The following SESN3 variants were observed in gnomAD, a reference collection of about 807,000 sequenced individuals.
SESN3 encodes the protein sestrin-3.
A neutral mutation model predicts 55.3 loss-of-function variants in SESN3; 21 were observed. The observed-to-expected ratio is 0.38, with a 90% CI of 0.27 to 0.55. The LOEUF (loss-of-function observed/expected upper bound fraction) is 0.55. Among genes scored for constraint, SESN3 ranks in the 20% least tolerant of loss-of-function variants. SESN3 has a pLI of 0.76. For missense variants in SESN3, 408 were observed against 604.3 expected (o/e 0.68, Z 3.41); for synonymous variants, 181 against 203.1 (o/e 0.89, Z 0.93).
chr11:95,186,243 G>GTGTGTGTGTGTGTGTGTGTGTGTGT (rs1860164680), intron 4 of SESN3, among the ~76,000 whole-genome samples: 1 of 58,462 alleles, frequency 1.7e-5, no homozygotes, highest in Non-Finnish European at 3.9e-5. Flanking sequence ...TGTGTGTGTG[G>GTGTGTGTGTGTGTGTGTGTGTGTGT]TGTATGTAAG....
intron 5 of SESN3, among the ~76,000 whole-genome samples, chr11:95,184,807 A>G (rs1364216869): frequency 1.3e-5 from 2 of 152,036 alleles, no homozygotes; most frequent in Non-Finnish European, 2.9e-5. Flanking sequence ...ATAGAAGTTT[A>G]TAAGTATATA....
chr11:95,224,492 GGAAA>G (rs748487108), intron 1 of SESN3: 6 of 433,560 alleles, frequency 1.4e-5, no homozygotes, highest in African/African-American at 8.2e-5. Flanking sequence ...TGGCTGAAAA[GGAAA>G]GAAAGACCCC....
chr11:95,166,767 CA>C lies in SESN3; in HGVS notation c.*6487del, dbSNP rs1322696878. ...TATACTAGTAGCACTGAGAAGATGC[CA>C]AACTGGCTGTGGTTTGCTTTCTATG... On this transcript the variant is annotated 3_prime_UTR_variant, in exon 10 of 10. Transcript: ENST00000536441. 6.6e-6 allele frequency: 1 copy of C among 152,140 alleles called. No individual in the cohort carries two copies. The highest frequency in any genetic ancestry group is 1.5e-5 in the Non-Finnish European group (1 of 68,024). 9.4% of individuals were successfully genotyped at this position (152,140 alleles called of 1,614,324 possible). A position where few individuals can be genotyped will look rare whatever the true frequency, so the allele number is the denominator to read the frequency against.
chr11:95,208,109 G>A (rs1860584837), intron 1 of SESN3, among the ~76,000 whole-genome samples: 1 of 151,378 alleles, frequency 6.6e-6, no homozygotes, highest in African/African-American at 2.4e-5. Flanking sequence ...TAAAAAAAAT[G>A]AATCAAGGGA....
intron 5 of SESN3, among the ~76,000 whole-genome samples, chr11:95,184,978 G>A (rs1424767839): frequency 6.6e-6 from 1 of 151,778 alleles, no homozygotes; most frequent in African/African-American, 2.4e-5. Flanking sequence ...ATATTGTTTT[G>A]GGATCTACTG....
chr11:95,208,310 C>T (rs1052713755), intron 1 of SESN3, among the ~76,000 whole-genome samples: 1 of 151,260 alleles, frequency 6.6e-6, no homozygotes, highest in Non-Finnish European at 1.5e-5. Flanking sequence ...TATTACTGGT[C>T]CTGTATATAT....
rs1859829581 is a variant in SESN3 at position 95,170,500 on chromosome 11, C to G, written c.*2755G>C. 1 of 141,566 alleles carries G rather than the reference C, an allele frequency of 7.1e-6. No homozygotes were observed. Among genetic ancestry groups the G allele is most frequent in the African/African-American group, 2.6e-5 (1 of 38,118 alleles). The allele number at this position is 141,566 out of a possible 1,614,324, so 8.8% of individuals were successfully genotyped here. A position where few individuals can be genotyped will look rare whatever the true frequency, so the allele number is the denominator to read the frequency against. On this transcript the variant is annotated 3_prime_UTR_variant, in exon 10 of 10. Transcript: ENST00000536441. ...GGTGTAGATCAGCATATTGCATAATCACGTCATTATACCAATTGAACCAGA... is the reference window on the plus strand; with the variant it reads ...GGTGTAGATCAGCATATTGCATAATGACGTCATTATACCAATTGAACCAGA...
chr11:95,205,021 T>G (rs1860522873), intron 1 of SESN3: 1 of 152,152 alleles, frequency 6.6e-6, no homozygotes. Context: ...AAAACAGCCT[T>G]CCAGATGAGA....
At chr11:95,222,479 G>A (rs1241400501) in intron 1 of SESN3, among the ~76,000 whole-genome samples, 3 of 152,076 alleles carry the variant, frequency 2.0e-5, no homozygotes, top group Non-Finnish European at 4.4e-5. Flanking sequence ...TTTGGAAAAT[G>A]AGAAAAGTTT....
rs139919458 is a variant in SESN3, at chr11:95,193,491, G to T, written c.110C>A (p.Thr37Lys). The change falls in exon 2 of 10, where the codon ACA becomes AAA. Residue 37 changes from threonine (T) to lysine (K), a missense_variant. This residue lies in a region of SESN3 where 61 missense variants were observed against 48.3 expected (regional missense o/e 1.26). Coordinates refer to ENST00000536441, the MANE Select transcript of SESN3 (RefSeq NM_144665.4). ...DKRIRVSQPL[T>K]RGPSAFIPEK... ...TGGAATAAAGGCACTTGGTCCTCTT[G>T]TCAAGGGTTGAGACACTCTGATTCT... 5.0e-4 allele frequency: 792 copies of T among 1,595,932 alleles called. 2 individuals carry two copies. Among genetic ancestry groups the T allele is most frequent in the South Asian group, 1.0e-3 (94 of 90,346 alleles).
intron 1 of SESN3, among the ~76,000 whole-genome samples, chr11:95,198,647 T>A (rs1399726822): frequency 1.3e-5 from 2 of 152,330 alleles, no homozygotes; most frequent in East Asian, 3.9e-4. Flanking sequence ...TTGAGTTTCT[T>A]TCGCTGTCAC....
In SESN3 at chr11:95,184,289, G is replaced by A. The variant is rs139119757; in HGVS notation, c.937+131C>T. 8.4e-4 allele frequency: 604 copies of A among 722,130 alleles called. 5 individuals are homozygous for A. In the African/African-American group the frequency reaches 9.2e-3, roughly 11 times the overall value. 44.7% of individuals were successfully genotyped at this position (722,130 alleles called of 1,614,324 possible). On this transcript the variant is annotated intron_variant, in intron 6 of 9. Coordinates refer to ENST00000536441, the MANE Select transcript of SESN3 (RefSeq NM_144665.4). ...AGGGAAAGCAATAGCATGAGGGTAA[G>A]ATAGAAGAGGAGAACTAAATAAGAG...
intron 1 of SESN3, among the ~76,000 whole-genome samples, chr11:95,197,870 C>T (rs1860391776): frequency 6.6e-6 from 1 of 152,130 alleles, no homozygotes; most frequent in Non-Finnish European, 1.5e-5. Flanking sequence ...AGAGAACTCG[C>T]TAGCTCTTCT....
chr11:95,167,840 G>A lies in SESN3; in HGVS notation c.*5415C>T, dbSNP rs763776205. ...ACAACCTCAAGTGCACCTAGCTGGA[G>A]AGAAGAACTATTACATCTTCTTCCT... On this transcript the variant is annotated 3_prime_UTR_variant, in exon 10 of 10. Coordinates refer to ENST00000536441, the MANE Select transcript of SESN3 (RefSeq NM_144665.4). The A allele has an allele frequency of 6.6e-6, 1 of 152,200 alleles. No individual in the cohort carries two copies. The highest frequency in any genetic ancestry group is 1.5e-5 in the Non-Finnish European group (1 of 68,034). The allele number at this position is 152,200 out of a possible 1,614,324, so 9.4% of individuals were successfully genotyped here.
intron 4 of SESN3, among the ~76,000 whole-genome samples, chr11:95,186,113 G>C (rs1565465317): frequency 6.6e-6 from 1 of 151,802 alleles, no homozygotes; most frequent in Non-Finnish European, 1.5e-5. Context: ...TTGTCCAAGA[G>C]TGAATTCCAC....
At chr11:95,200,765 G>A (rs1380707909) in intron 1 of SESN3, 1 of 152,028 alleles carries the variant, frequency 6.6e-6, no homozygotes. Flanking sequence ...GTCATTTGAG[G>A]AACATAGGAA....
At chr11:95,192,036 T>C (rs1204637393) in intron 2 of SESN3, among the ~76,000 whole-genome samples, 1 of 152,114 alleles carries the variant, frequency 6.6e-6, no homozygotes, top group Non-Finnish European at 1.5e-5. Flanking sequence ...ATTTTCAGTC[T>C]AATCCTTTGC....
At chr11:95,209,436 T>G (rs1294028278) in intron 1 of SESN3, among the ~76,000 whole-genome samples, 1 of 151,504 alleles carries the variant, frequency 6.6e-6, no homozygotes, top group Non-Finnish European at 1.5e-5. Flanking sequence ...TAGGAATGCT[T>G]TTACACTGTT....
At chr11:95,189,251 C>T (rs1014208992) in intron 4 of SESN3, among the ~76,000 whole-genome samples, 3 of 151,918 alleles carry the variant, frequency 2.0e-5, no homozygotes, top group African/African-American at 7.2e-5. Context: ...TAGTCAATCA[C>T]GACAACTCTA....
Sources: allele counts gnomAD v4.1 joint callset (sites outside exome capture counted in the v4.1 genomes callset), GRCh38; gene constraint gnomAD v4.1.1; regional missense constraint gnomAD v4.1.1; transcripts MANE v1.5; gene names NCBI Gene and HGNC (gene_info 2026-07-23, HGNC 2026-07-21).